STAB2: variants seen among roughly 807,000 people sequenced by gnomAD.
STAB2 encodes the protein stabilin 2, also known as stabilin-2.
A neutral mutation model predicts 338.1 loss-of-function variants in STAB2; 288 were observed. The ratio of observed to expected loss-of-function variants is 0.85; its 90% CI spans 0.77 to 0.94. STAB2 has a LOEUF of 0.94. Ranked by LOEUF, STAB2 falls within the 40% of genes least tolerant of loss-of-function variation. The probability of loss-of-function intolerance (pLI) is 0.00; values close to 1 mark genes in which losing one functional copy is unlikely to be tolerated. For missense variants in STAB2, 3,141 were observed against 3,210.1 expected, an observed-to-expected ratio of 0.98 and a Z score of 0.52; for synonymous variants, 1,202 against 1,193.3, an observed-to-expected ratio of 1.01 and a Z score of -0.15.
At chr12:103,715,779 G>T in intron 42 of STAB2, 36 bp from the exon 43 acceptor site, 1 of 1,613,670 alleles carries the variant, frequency 6.2e-7, no homozygotes, top group South Asian at 1.1e-5. Context: ...AACCAGACTG[G>T]ATTTCCAGGC....
intron 5 of STAB2, among the ~76,000 whole-genome samples, chr12:103,623,832 C>T (rs1225480089): frequency 1.3e-5 from 2 of 152,108 alleles, no homozygotes; most frequent in Non-Finnish European, 2.9e-5. Flanking sequence ...TTATAGGGAG[C>T]ACCCAGGCCA....
rs1187845360 is a variant in STAB2, at chr12:103,717,784, T to C, written c.4626T>C (p.Cys1542=). ...QTGPNQAACN[C]LPAYTGDGKV... The stretch of plus-strand genomic sequence containing the variant: ...CTCCTGGACAGGCTGCCTGTAACTG[T>C]TTGCCAGCATACACTGGAGATGGAA... The change falls in exon 44 of 69, where the codon TGT becomes TGC. Residue 1542 remains cysteine, a synonymous_variant. Coordinates refer to ENST00000388887, the MANE Select transcript of STAB2 (RefSeq NM_017564.10). 4 of 1,613,996 alleles carry C rather than the reference T, an allele frequency of 2.5e-6. No individual in the cohort carries two copies. Among genetic ancestry groups the C allele is most frequent in the Non-Finnish European group, 3.4e-6 (4 of 1,179,994 alleles).
At chr12:103,687,503 C>A (rs1877536779) in intron 27 of STAB2, among the ~76,000 whole-genome samples, 1 of 152,120 alleles carries the variant, frequency 6.6e-6, no homozygotes, top group East Asian at 1.9e-4. Flanking sequence ...TCCCTTCACC[C>A]CACCCCAGTA....
chr12:103,716,248 T>G (rs1189461087), intron 43 of STAB2, among the ~76,000 whole-genome samples: 3 of 152,170 alleles, frequency 2.0e-5, no homozygotes, highest in Non-Finnish European at 4.4e-5. Flanking sequence ...GAAGCACATG[T>G]GCCATGGTGG....
chr12:103,688,233 G>A lies in STAB2; in HGVS notation c.3045+18G>A. ...GGATAAATGTGAGTACCTTTATTGG[G>A]ACTTAGGATTGGGAATGTATATATT... On this transcript the variant is annotated intron_variant, in intron 28 of 68. Transcript: ENST00000388887. 1 of 1,611,570 alleles carries A rather than the reference G, an allele frequency of 6.2e-7. No homozygotes were observed. The highest frequency in any genetic ancestry group is 8.5e-7 in the Non-Finnish European group (1 of 1,177,792).
At position 103,746,612 on chromosome 12, in the gene STAB2, G is replaced by A; in HGVS notation, c.6152G>A (p.Cys2051Tyr). ...TTCTTTGCAGTTTTGCCTGCAGTGTGTACGCCTCCTTGTTCTGCTCATGCC... is the reference window on the plus strand; with the variant it reads ...TTCTTTGCAGTTTTGCCTGCAGTGTATACGCCTCCTTGTTCTGCTCATGCC... Reference protein sequence around the residue: ...CDTQAVLPAVCTPPCSAHATC... With the variant: ...CDTQAVLPAVYTPPCSAHATC... Residue 2051 changes from cysteine (C) to tyrosine (Y), a missense_variant, in exon 58 of 69, where the codon TGT becomes TAT. By Grantham distance (194) the Cys-to-Tyr change is radical. Coordinates refer to ENST00000388887, the MANE Select transcript of STAB2 (RefSeq NM_017564.10). The A allele has an allele frequency of 6.2e-7, 1 of 1,614,114 alleles. No individual in the cohort carries two copies. Among genetic ancestry groups the A allele is most frequent in the South Asian group, 1.1e-5 (1 of 91,082 alleles).
At chr12:103,707,248 G>A (rs566570377) in intron 38 of STAB2, among the ~76,000 whole-genome samples, 5 of 152,332 alleles carry the variant, frequency 3.3e-5, no homozygotes, top group Admixed American at 6.5e-5. Context: ...GCCCAAATGC[G>A]TTTTTATATT....
At chr12:103,591,681 T>A (rs781020871) in intron 2 of STAB2, among the ~76,000 whole-genome samples, 1 of 152,180 alleles carries the variant, frequency 6.6e-6, no homozygotes, top group Admixed American at 6.5e-5. Context: ...TGGACCTTGA[T>A]ACTAATTAGA....
chr12:103,669,276 G>T, intron 20 of STAB2: 1 of 414,692 alleles, frequency 2.4e-6, no homozygotes, highest in Non-Finnish European at 4.3e-6. Flanking sequence ...CCCCAACTTA[G>T]AACGTTGGCT....
intron 52 of STAB2, among the ~76,000 whole-genome samples, chr12:103,736,773 A>G (rs994962927): frequency 1.5e-4 from 23 of 152,116 alleles, no homozygotes; most frequent in African/African-American, 4.8e-4. Context: ...GGCTTTAACC[A>G]CAGTTTTCTG....
At chr12:103,758,817 G>A (rs148748306) in intron 64 of STAB2, among the ~76,000 whole-genome samples, 243 of 152,322 alleles carry the variant, frequency 1.6e-3, no homozygotes, top group African/African-American at 5.7e-3. Context: ...ACAGGTGGCT[G>A]ACCTGAGGCT....
intron 3 of STAB2, among the ~76,000 whole-genome samples, chr12:103,609,761 G>A (rs1957092465): frequency 6.6e-6 from 1 of 152,088 alleles, no homozygotes; most frequent in Admixed American, 6.6e-5. Context: ...TCCCTGTCTT[G>A]TGCCAGTTTT....
chr12:103,705,540 G>A, intron 36 of STAB2, 92 bp from the exon 37 acceptor site: 1 of 991,108 alleles, frequency 1.0e-6, no homozygotes, highest in Non-Finnish European at 1.6e-6. Context: ...TTTAGTCAGA[G>A]AGACAGCAAT....
chr12:103,763,335 G>A, intron 67 of STAB2, 157 bp from the exon 68 acceptor site: 1 of 652,378 alleles, frequency 1.5e-6, no homozygotes, highest in South Asian at 1.8e-5. Context: ...TCTAAAGGTT[G>A]GTAAATTTTA....
intron 60 of STAB2, among the ~76,000 whole-genome samples, chr12:103,752,337 T>C (rs138715273): frequency 1.3e-5 from 2 of 152,358 alleles, no homozygotes; most frequent in South Asian, 2.1e-4. Context: ...ATTTCAGATA[T>C]GGCCAAGATC....
intron 35 of STAB2, among the ~76,000 whole-genome samples, chr12:103,704,109 G>T (rs1879135335): frequency 6.6e-6 from 1 of 152,212 alleles, no homozygotes; most frequent in Non-Finnish European, 1.5e-5. Context: ...GACAGGTTGA[G>T]CTTGAGGGTT....
At chr12:103,749,862 A>G (rs1357873599) in intron 59 of STAB2, among the ~76,000 whole-genome samples, 1 of 147,418 alleles carries the variant, frequency 6.8e-6, no homozygotes, top group Non-Finnish European at 1.5e-5. Context: ...AAAAAAAAAA[A>G]AAAAAAAAAA....
intron 30 of STAB2, among the ~76,000 whole-genome samples, 179 bp downstream of exon 30, chr12:103,690,717 A>G (rs1345724454): frequency 2.6e-5 from 4 of 152,238 alleles, no homozygotes; most frequent in African/African-American, 9.6e-5. Context: ...ACATACACAT[A>G]TACACGTTAC....
chr12:103,743,647 G>A (rs1363234083), intron 56 of STAB2, among the ~76,000 whole-genome samples: 2 of 152,098 alleles, frequency 1.3e-5, no homozygotes, highest in African/African-American at 4.8e-5. Flanking sequence ...TGTGGCTATC[G>A]AGCACCCAAA....
Sources: gnomAD v4.1 joint callset for allele counts (sites outside exome capture counted in the v4.1 genomes callset) on GRCh38, gnomAD v4.1.1 for gene constraint, MANE v1.5 for transcripts, NCBI Gene and HGNC (gene_info 2026-07-23, HGNC 2026-07-21) for gene names.